The following GLIS3 variants were observed in gnomAD, a reference collection of about 807,000 sequenced individuals.
The protein encoded by GLIS3 is GLIS family zinc finger 3.
A neutral mutation model predicts 78.6 loss-of-function variants in GLIS3; 53 were observed. The observed-to-expected ratio is 0.67, with a 90% confidence interval of 0.54 to 0.85. GLIS3 has a LOEUF of 0.85. Ranked by LOEUF, GLIS3 falls within the 40% of genes least tolerant of loss-of-function variation. The pLI, the probability that GLIS3 is intolerant of heterozygous loss-of-function variation, is 0.00. For missense variants in GLIS3, 1,703 were observed against 1,231.1 expected, an observed-to-expected ratio of 1.38 and a Z score of -5.74; for synonymous variants, 684 against 509.9, an observed-to-expected ratio of 1.34 and a Z score of -4.60.
chr9:4,066,459 C>T (rs900486535), intron 4 of GLIS3, among the ~76,000 whole-genome samples: 1 of 152,170 alleles, frequency 6.6e-6, no homozygotes, highest in African/African-American at 2.4e-5. Flanking sequence ...AAGCAACTTA[C>T]CAGCCCAGAG....
At chr9:4,331,221 C>T (rs1158072914) in intron 2 of GLIS3, among the ~76,000 whole-genome samples, 1 of 152,160 alleles carries the variant, frequency 6.6e-6, no homozygotes, top group Non-Finnish European at 1.5e-5. Context: ...AGGTCACAGG[C>T]ACTCCTTGGC....
intron 2 of GLIS3, among the ~76,000 whole-genome samples, chr9:4,272,154 C>T (rs1353336003): frequency 6.6e-6 from 1 of 152,152 alleles, no homozygotes; most frequent in African/African-American, 2.4e-5. Context: ...AATTGCCTAC[C>T]TGACTGCACC....
At chr9:3,962,930 G>T (rs539144989) in intron 4 of GLIS3, among the ~76,000 whole-genome samples, 1 of 131,344 alleles carries the variant, frequency 7.6e-6, no homozygotes, top group African/African-American at 2.9e-5. Flanking sequence ...TGTCCAACAA[G>T]ATCTGCTGTG....
chr9:3,892,748 T>C (rs901716558), intron 7 of GLIS3, among the ~76,000 whole-genome samples: 11 of 152,120 alleles, frequency 7.2e-5, no homozygotes, highest in African/African-American at 2.7e-4. Flanking sequence ...GCAAATTCAG[T>C]TGAAGCAGAA....
At chr9:4,248,035 C>T (rs1368785076) in intron 2 of GLIS3, among the ~76,000 whole-genome samples, 1 of 152,130 alleles carries the variant, frequency 6.6e-6, no homozygotes, top group South Asian at 2.1e-4. Flanking sequence ...ATTCCCCATC[C>T]CTTCACTCCT....
chr9:4,368,987 G>A, the GLIS3 span, among the ~76,000 whole-genome samples: 2 of 152,144 alleles, frequency 1.3e-5, no homozygotes, highest in African/African-American at 4.8e-5. Context: ...ATGGGAAAAA[G>A]AATGATGTTT....
chr9:3,942,323 C>G (rs1815985899), intron 4 of GLIS3, among the ~76,000 whole-genome samples: 1 of 152,088 alleles, frequency 6.6e-6, no homozygotes, highest in African/African-American at 2.4e-5. Context: ...CAATTAATCC[C>G]ATTAGTGATG....
At chr9:3,871,885 A>G (rs1820992172) in intron 8 of GLIS3, among the ~76,000 whole-genome samples, 1 of 152,230 alleles carries the variant, frequency 6.6e-6, no homozygotes, top group Non-Finnish European at 1.5e-5. Context: ...CCAGAAAATG[A>G]GATTTTCTCT....
At chr9:3,850,650 T>C (rs1320599274) in intron 9 of GLIS3, among the ~76,000 whole-genome samples, 1 of 152,228 alleles carries the variant, frequency 6.6e-6, no homozygotes, top group Non-Finnish European at 1.5e-5. Flanking sequence ...CCTAAAATAC[T>C]GGGCTGACTT....
At chr9:4,246,043 A>T (rs908506825) in intron 2 of GLIS3, among the ~76,000 whole-genome samples, 3 of 152,110 alleles carry the variant, frequency 2.0e-5, no homozygotes, top group African/African-American at 7.2e-5. Context: ...AGTAGGACCC[A>T]TTTCATTCAT....
chr9:4,280,598 A>AAT (rs1206443574), intron 2 of GLIS3, among the ~76,000 whole-genome samples: 32 of 152,230 alleles, frequency 2.1e-4, no homozygotes, highest in Admixed American at 1.7e-3. Context: ...GCGTCAAAGA[A>AAT]TGAATTGTAT....
chr9:3,838,600 A>AGG (rs557689989), intron 9 of GLIS3, among the ~76,000 whole-genome samples: 69 of 152,294 alleles, frequency 4.5e-4, no homozygotes, highest in South Asian at 1.7e-3. Context: ...TAGGAGTGGG[A>AGG]GGTTTACTTG....
intron 4 of GLIS3, chr9:4,054,395 G>A (rs1051037747): frequency 2.0e-6 from 2 of 985,350 alleles, no homozygotes; most frequent in Non-Finnish European, 2.4e-6. Context: ...CAAGCTCAGA[G>A]GAACCATCTG....
chr9:3,958,840 G>A (rs1817343348), intron 4 of GLIS3, among the ~76,000 whole-genome samples: 1 of 152,240 alleles, frequency 6.6e-6, no homozygotes, highest in African/African-American at 2.4e-5. Context: ...TAGGGAAACA[G>A]AAATAATACT....
chr9:4,345,721 T>C (rs1489917872), intron 2 of GLIS3, among the ~76,000 whole-genome samples: 1 of 152,194 alleles, frequency 6.6e-6, no homozygotes, highest in Non-Finnish European at 1.5e-5. Context: ...ACATTTAAAA[T>C]TTAAAAGCCA....
intron 4 of GLIS3, among the ~76,000 whole-genome samples, chr9:4,024,998 C>T (rs1823206142): frequency 6.6e-6 from 1 of 152,126 alleles, no homozygotes; most frequent in African/African-American, 2.4e-5. Flanking sequence ...CCTGTAATCC[C>T]AGCACTTTGG....
rs767964362 is a variant in GLIS3 at position 4,084,576 on chromosome 9, A to G, written c.1710+33192T>C. Among the ~76,000 whole-genome samples the G allele has an allele frequency of 1.8e-4, 27 of 152,126 alleles. 1 individual carries two copies. Among genetic ancestry groups the G allele is most frequent in the Admixed American group, 1.5e-3 (23 of 15,268 alleles). On this transcript the variant is annotated intron_variant, in intron 4 of 10. Coordinates refer to ENST00000381971, the MANE Select transcript of GLIS3 (RefSeq NM_001042413.2). ...GGAGCCAGAAACAGAGCTGTGAGGA[A>G]GAAGGGGAAAAAAGGCTGAGCAGCC...
chr9:4,387,877 GT>G, the GLIS3 span, among the ~76,000 whole-genome samples: 1 of 152,168 alleles, frequency 6.6e-6, no homozygotes, highest in South Asian at 2.1e-4. Flanking sequence ...AGCAGAATTT[GT>G]TATAGAACCT....
At chr9:4,139,940 C>A (rs1833683365) in intron 2 of GLIS3, among the ~76,000 whole-genome samples, 1 of 152,148 alleles carries the variant, frequency 6.6e-6, no homozygotes, top group Non-Finnish European at 1.5e-5. Flanking sequence ...AGTTGGGGAC[C>A]CCTGGTCTAA....
Sources: allele counts gnomAD v4.1 joint callset (sites outside exome capture counted in the v4.1 genomes callset), GRCh38; gene constraint gnomAD v4.1.1; transcripts MANE v1.5; gene names NCBI Gene and HGNC (gene_info 2026-07-23, HGNC 2026-07-21).